The following PRDM8 variants were observed in gnomAD, a reference collection of about 807,000 sequenced individuals.
PRDM8 encodes the protein PR/SET domain 8.
Under a neutral mutation model 46.5 loss-of-function variants are expected in PRDM8, and 13 were observed. That is an observed-to-expected ratio of 0.28 (90% CI 0.18 to 0.44). The LOEUF (loss-of-function observed/expected upper bound fraction) is 0.44, where lower values mean the gene tolerates loss of function less well. Among genes scored for constraint, PRDM8 ranks in the 20% least tolerant of loss-of-function variants. The probability of loss-of-function intolerance (pLI) is 1.00; values close to 1 mark genes in which losing one functional copy is unlikely to be tolerated. For synonymous variants in PRDM8, 473 were observed against 438.4 expected, an observed-to-expected ratio of 1.08 and a Z score of -0.98; for missense variants, 998 against 955.0, an observed-to-expected ratio of 1.04 and a Z score of -0.59.
At chr4:80,187,439 G>A (rs77766141) in intron 1 of PRDM8, among the ~76,000 whole-genome samples, 6,311 of 152,130 alleles carry the variant, frequency 0.041, 421 homozygotes, top group African/African-American at 0.14. Flanking sequence ...GAAATGATGG[G>A]GCATTTGGTA....
At chr4:80,199,707 A>ATGTGTGTGTGTGTGTG (rs201992799) in intron 1 of PRDM8, among the ~76,000 whole-genome samples, 43 of 90,622 alleles carry the variant, frequency 4.7e-4, no homozygotes, top group African/African-American at 1.1e-3. Flanking sequence ...ATATATATAT[A>ATGTGTGTGTGTGTGTG]TATGTGTGTG....
chr4:80,199,988 A>G, intron 1 of PRDM8, 91 bp from the exon 2 acceptor site: 1 of 1,031,488 alleles, frequency 9.7e-7, no homozygotes, highest in South Asian at 1.5e-5. Context: ...TGCAAGGAAA[A>G]TCTACCTAGT....
At position 80,202,190 on chromosome 4, in the gene PRDM8, G is replaced by T. The variant is rs764408979; in HGVS notation, c.728G>T (p.Ser243Ile). Residue 243 changes from serine (S) to isoleucine (I), a missense_variant, in exon 4 of 4, where the codon AGC becomes ATC. Coordinates refer to ENST00000415738, the MANE Select transcript of PRDM8 (RefSeq NM_001099403.2). Reference sequence around the variant, plus strand: ...CACTACCCATCCCCCTCCCCGGAAAGCAGCAACCCATCCGCTGCCGCCGGC... The same window carrying T: ...CACTACCCATCCCCCTCCCCGGAAATCAGCAACCCATCCGCTGCCGCCGGC... ...LHHYPSPSPE[S>I]SNPSAAAGGS... 3.1e-6 allele frequency: 5 copies of T among 1,612,062 alleles called. No homozygotes were observed. In the Admixed American group the frequency reaches 8.3e-5, roughly 27 times the overall value.
chr4:80,203,055 C>T lies in PRDM8; in HGVS notation c.1593C>T (p.Gly531=). The T allele has an allele frequency of 6.4e-7, 1 of 1,560,436 alleles. No homozygotes were observed. Among genetic ancestry groups the T allele is most frequent in the Non-Finnish European group, 8.6e-7 (1 of 1,162,762 alleles). ...TCGAGCCATGCCACCCCGCCGACGG[C>T]GTGGGCCCCACCAGACTCTATCCCG... ...GALEPCHPAD[G]VGPTRLYPAA... is the part of the protein sequence containing the mutation. Residue 531 remains glycine, a synonymous_variant, in exon 4 of 4, where the codon GGC becomes GGT. Transcript: ENST00000415738.
upstream of PRDM8, chr4:80,197,282 G>C (rs925063757): frequency 1.0e-6 from 1 of 977,904 alleles, no homozygotes; most frequent in South Asian, 4.7e-5. Context: ...CCGAGCTTTA[G>C]GAGGAGGCGG....
chr4:80,196,718 G>T (rs1024338010), upstream of PRDM8: 33 of 897,666 alleles, frequency 3.7e-5, no homozygotes, highest in Non-Finnish European at 1.9e-5. Context: ...CAGAGGGGGG[G>T]AAAAACCCCA....
chr4:80,189,737 C>T (rs1464638002), intron 1 of PRDM8: 1 of 152,108 alleles, frequency 6.6e-6, no homozygotes, highest in Non-Finnish European at 1.5e-5. Context: ...AAGTATAGAC[C>T]AGTTAAATTA....
rs922460568 is a variant in PRDM8 at position 80,186,881 on chromosome 4, A to G, written c.-983+1363A>G. ...CTCCTCATTTGTCCAGCAGCCTAAC[A>G]GTGGTGCCCTTTCTCTGTGCTGCTT... On this transcript the variant is annotated intron_variant, in intron 1 of 9. Transcript: ENST00000339711. Among the ~76,000 whole-genome samples, 6 of 152,320 alleles carry G rather than the reference A, an allele frequency of 3.9e-5. No individual in the cohort carries two copies. In the South Asian group the frequency reaches 1.2e-3, roughly 32 times the overall value.
intron 1 of PRDM8, among the ~76,000 whole-genome samples, chr4:80,187,381 A>C (rs1039265390): frequency 6.6e-6 from 1 of 152,062 alleles, no homozygotes; most frequent in Non-Finnish European, 1.5e-5. Flanking sequence ...GAATGCTAAG[A>C]GCTCCCATTT....
At position 80,203,640 on chromosome 4, in the gene PRDM8, CAA is replaced by C. The variant is rs1028658869; in HGVS notation, c.*110_*111del. The stretch of plus-strand genomic sequence containing the variant: ...CTTCCTTGCACCCCGAAACCCTGCA[CAA>C]AGACACATACATTCACCGCCCCCCC... On this transcript the variant is annotated 3_prime_UTR_variant, in exon 4 of 4. Coordinates refer to ENST00000415738, the MANE Select transcript of PRDM8 (RefSeq NM_001099403.2). 4 of 1,456,078 alleles carry C rather than the reference CAA, an allele frequency of 2.7e-6. No homozygotes were observed. The highest frequency in any genetic ancestry group is 2.7e-6 in the Non-Finnish European group (3 of 1,104,834). 90.2% of individuals were successfully genotyped at this position (1,456,078 alleles called of 1,614,324 possible). A position where few individuals can be genotyped will look rare whatever the true frequency, so the allele number is the denominator to read the frequency against.
chr4:80,200,620 T>A (rs1738371029), intron 2 of PRDM8, among the ~76,000 whole-genome samples: 1 of 152,262 alleles, frequency 6.6e-6, no homozygotes, highest in African/African-American at 2.4e-5. Flanking sequence ...GCTATTTGCA[T>A]ACTAACTAGT....
chr4:80,196,589 G>C (rs930581938), upstream of PRDM8: 2 of 985,230 alleles, frequency 2.0e-6, no homozygotes, highest in African/African-American at 3.5e-5. Context: ...AAAGCTTTCC[G>C]GAGCCCATCT....
upstream of PRDM8, among the ~76,000 whole-genome samples, chr4:80,193,187 T>C (rs1402237977): frequency 6.6e-6 from 1 of 152,134 alleles, no homozygotes; most frequent in African/African-American, 2.4e-5. Flanking sequence ...GCTACAAAAT[T>C]ACCCAACCCT....
rs536304942 is a variant in PRDM8, at chr4:80,200,175, C to G, written c.95C>G (p.Thr32Ser). The G allele has an allele frequency of 6.2e-7, 1 of 1,614,076 alleles. No homozygotes were observed. Among genetic ancestry groups the G allele is most frequent in the African/African-American group, 1.3e-5 (1 of 75,038 alleles). Residue 32 changes from threonine to serine, a missense_variant, in exon 2 of 4, where the codon ACC becomes AGC. By Grantham distance (58) the Thr-to-Ser change is moderately conservative (BLOSUM62 1). Transcript: ENST00000415738. ...LTDIFTSVYT[T>S]CDIPENAIFG... Reference sequence around the variant, plus strand: ...GATATTTTTACCAGCGTTTACACCACCTGCGACATCCCTGAGAATGCTATA... The same window carrying G: ...GATATTTTTACCAGCGTTTACACCAGCTGCGACATCCCTGAGAATGCTATA...
upstream of PRDM8, chr4:80,197,161 T>C (rs775755728): frequency 2.0e-6 from 2 of 985,496 alleles, no homozygotes; most frequent in Non-Finnish European, 2.4e-6. Context: ...CAGCTCTCTG[T>C]CACAGCTTCT....
intron 1 of PRDM8, among the ~76,000 whole-genome samples, chr4:80,187,438 G>A (rs1362829889): frequency 6.6e-6 from 1 of 152,078 alleles, no homozygotes; most frequent in Non-Finnish European, 1.5e-5. Flanking sequence ...GGAAATGATG[G>A]GGCATTTGGT....
Position 80,198,990 on chromosome 4 carries a change from TTTTG to T in PRDM8, c.-2-1085_-2-1082del, listed in dbSNP as rs796348329. 2.9e-3 allele frequency among the ~76,000 whole-genome samples: 295 copies of T among 100,780 alleles called. 3 individuals are homozygous for T. Among genetic ancestry groups the T allele is most frequent in the African/African-American group, 0.011 (206 of 19,264 alleles). The allele number at this position is 100,780 out of a possible 152,430, so 66.1% of individuals were successfully genotyped here. Reference sequence around the variant, plus strand: ...CCTGGGTTTTTTTGGGTTTTTTTTTTTTTGTTTTTTTTTTTTTTTTTTTTTTTTA... The same window carrying T: ...CCTGGGTTTTTTTGGGTTTTTTTTTTTTTTTTTTTTTTTTTTTTTTTTTTA... On this transcript the variant is annotated intron_variant, in intron 1 of 3. Coordinates refer to ENST00000415738, the MANE Select transcript of PRDM8 (RefSeq NM_001099403.2).
rs1560479209 is a variant in PRDM8 at position 80,202,930 on chromosome 4, C to G, written c.1468C>G (p.Gln490Glu). The G allele has an allele frequency of 6.9e-7, 1 of 1,441,702 alleles. No individual in the cohort carries two copies. Among genetic ancestry groups the G allele is most frequent in the African/African-American group, 1.5e-5 (1 of 67,800 alleles). The allele number at this position is 1,441,702 out of a possible 1,614,324, so 89.3% of individuals were successfully genotyped here. ...GGCCGCAGGCGGCGCGGGCGGGGGC[C>G]AGGGCGCCGCGTCGGACGAGCGCAA... The part of the protein sequence containing the change: ...AGAAGGAGGG[Q>E]GAASDERKSA... Residue 490 changes from glutamine (Q) to glutamate (E), a missense_variant, in exon 4 of 4, where the codon CAG becomes GAG. Coordinates refer to ENST00000415738, the MANE Select transcript of PRDM8 (RefSeq NM_001099403.2).
In PRDM8 at chr4:80,202,071, GGGC is replaced by G. The variant is rs769029025; in HGVS notation, c.621_623del (p.Gly209del). The G allele has an allele frequency of 3.1e-6, 5 of 1,613,390 alleles. No homozygotes were observed. Among genetic ancestry groups the G allele is most frequent in the Middle Eastern group, 1.6e-4 (1 of 6,082 alleles). On this transcript the variant is annotated inframe_deletion, in exon 4 of 4. Transcript: ENST00000415738. Reference sequence around the variant, plus strand: ...GCGGCGTGGGCACCAAGGACCACGGGGGCGGCGGCGGCGGTGGCAAAGACCAGC... The same window carrying G: ...GCGGCGTGGGCACCAAGGACCACGGGGGCGGCGGCGGTGGCAAAGACCAGC...
Sources: allele counts gnomAD v4.1 joint callset (sites outside exome capture counted in the v4.1 genomes callset), GRCh38; gene constraint gnomAD v4.1.1; transcripts MANE v1.5; gene names NCBI Gene and HGNC (gene_info 2026-07-23, HGNC 2026-07-21).